Variants in ANKRD11 observed in about 807,000 individuals in gnomAD.
ANKRD11 encodes the protein ankyrin repeat domain-containing protein 11.
A neutral mutation model predicts 195.7 loss-of-function variants in ANKRD11; 17 were observed. The observed-to-expected ratio is 0.09, with a 90% CI of 0.06 to 0.13. The LOEUF (loss-of-function observed/expected upper bound fraction) is 0.13, where lower values mean the gene tolerates loss of function less well. Ranked by LOEUF, ANKRD11 falls within the 10% of genes least tolerant of loss-of-function variation. The pLI is 1.00. For missense variants in ANKRD11, 3,735 were observed against 3,566.1 expected (o/e 1.05, Z -1.21); for synonymous variants, 1,953 against 1,528.1 (o/e 1.28, Z -6.49).
At chr16:89,354,135 A>C (rs1433303894) in intron 2 of ANKRD11, among the ~76,000 whole-genome samples, 1 of 152,144 alleles carries the variant, frequency 6.6e-6, no homozygotes, top group African/African-American at 2.4e-5. Context: ...ACTGCTTCTA[A>C]ATAATGCACT....
intron 1 of ANKRD11, among the ~76,000 whole-genome samples, chr16:89,428,353 G>C (rs140078198): frequency 6.6e-6 from 1 of 151,818 alleles, no homozygotes; most frequent in Non-Finnish European, 1.5e-5. Context: ...GTGAAACCCC[G>C]TCTCTACTAA....
intron 2 of ANKRD11, among the ~76,000 whole-genome samples, chr16:89,333,564 T>A (rs1279634422): frequency 6.6e-6 from 1 of 152,230 alleles, no homozygotes; most frequent in African/African-American, 2.4e-5. Context: ...CTGATCTTTG[T>A]GCTGTCTGCA....
At chr16:89,432,888 G>T (rs994528453) in intron 1 of ANKRD11, among the ~76,000 whole-genome samples, 4 of 151,850 alleles carry the variant, frequency 2.6e-5, no homozygotes, top group African/African-American at 9.7e-5. Flanking sequence ...GTGAGGTCGA[G>T]GCTGCAGGGG....
intron 1 of ANKRD11, among the ~76,000 whole-genome samples, chr16:89,470,720 T>C (rs2057052532): frequency 6.7e-6 from 1 of 149,970 alleles, no homozygotes; most frequent in Non-Finnish European, 1.5e-5. Flanking sequence ...CCGGGCGCGG[T>C]GGCTCATGCC....
At chr16:89,274,055 G>A (rs75900839) in intron 11 of ANKRD11, among the ~76,000 whole-genome samples, 21 of 152,204 alleles carry the variant, frequency 1.4e-4, no homozygotes, top group Non-Finnish European at 2.6e-4. Context: ...GCGAGGCAAC[G>A]GGAGAGCCAG....
At chr16:89,427,430 C>T (rs531931260) in intron 1 of ANKRD11, among the ~76,000 whole-genome samples, 1 of 152,170 alleles carries the variant, frequency 6.6e-6, no homozygotes, top group East Asian at 1.9e-4. Flanking sequence ...AATTGTAAAC[C>T]TCTTACATAC....
chr16:89,363,035 C>G (rs971189152), intron 2 of ANKRD11, among the ~76,000 whole-genome samples: 25 of 151,874 alleles, frequency 1.6e-4, no homozygotes, highest in Admixed American at 1.5e-3. Context: ...GGCAAAACTG[C>G]TGGCGAGTGT....
At chr16:89,349,970 C>G (rs1218508256) in intron 2 of ANKRD11, among the ~76,000 whole-genome samples, 1 of 151,052 alleles carries the variant, frequency 6.6e-6, no homozygotes, top group Non-Finnish European at 1.5e-5. Context: ...AAAGAACTCT[C>G]AAAAATCAGC....
At chr16:89,308,499 C>T (rs1265623259) in intron 3 of ANKRD11, among the ~76,000 whole-genome samples, 1 of 152,152 alleles carries the variant, frequency 6.6e-6, no homozygotes. Flanking sequence ...AATAAGACAA[C>T]GAACACCTGA....
chr16:89,452,250 T>A (rs1179806641), intron 1 of ANKRD11, among the ~76,000 whole-genome samples: 1 of 149,340 alleles, frequency 6.7e-6, no homozygotes, highest in Non-Finnish European at 1.5e-5. Flanking sequence ...AGAGTGAGAC[T>A]CTGTCTCAAA....
chr16:89,349,478 C>CA (rs549762735), intron 2 of ANKRD11, among the ~76,000 whole-genome samples: 116 of 152,124 alleles, frequency 7.6e-4, no homozygotes, highest in African/African-American at 2.7e-3. Flanking sequence ...AGACTCATCT[C>CA]AAAAAAGACC....
rs778264815 is a variant in ANKRD11, at chr16:89,317,028, T to C, written c.-9A>G. The C allele has an allele frequency of 9.3e-6, 15 of 1,612,352 alleles. No individual in the cohort carries two copies. In the Admixed American group the frequency reaches 2.5e-4, roughly 27 times the overall value. On this transcript the variant is annotated 5_prime_UTR_variant, in exon 3 of 13. Coordinates refer to ENST00000301030, the MANE Select transcript of ANKRD11 (RefSeq NM_013275.6). ...CACCCACCCTTGGGCATCGTCCTGC[T>C]CCTCACCCGATCTTCATTTACACGG...
intron 2 of ANKRD11, among the ~76,000 whole-genome samples, chr16:89,371,718 G>A (rs182665865): frequency 8.5e-5 from 13 of 152,298 alleles, no homozygotes; most frequent in African/African-American, 2.9e-4. Context: ...GTGGTCTCGG[G>A]TGTGGAGGGC....
intron 2 of ANKRD11, among the ~76,000 whole-genome samples, chr16:89,369,296 C>T (rs992360330): frequency 2.6e-5 from 4 of 152,220 alleles, no homozygotes; most frequent in Admixed American, 1.3e-4. Context: ...CCACGACACT[C>T]GCAGGTCTGT....
rs538084265 is a variant in ANKRD11 at position 89,381,447 on chromosome 16, A to G, written c.-60+36837T>C. ...ACACCTACCAGTTTAGGGTTATTGT[A>G]TAAGGAGCAAGAGCTTTTCACATTG... On this transcript the variant is annotated intron_variant, in intron 2 of 12. Coordinates refer to ENST00000301030, the MANE Select transcript of ANKRD11 (RefSeq NM_013275.6). 2.1e-3 allele frequency among the ~76,000 whole-genome samples: 326 copies of G among 152,208 alleles called. 2 individuals are homozygous for G. Among genetic ancestry groups the G allele is most frequent in the Non-Finnish European group, 3.5e-3 (237 of 68,006 alleles).
intron 2 of ANKRD11, chr16:89,328,834 CAT>C: frequency 7.2e-6 from 1 of 139,590 alleles, no homozygotes; most frequent in African/African-American, 2.8e-5. Context: ...AGTGAGTGGA[CAT>C]ACCCAGGAGC....
At chr16:89,349,280 G>A (rs1055375918) in intron 2 of ANKRD11, among the ~76,000 whole-genome samples, 1 of 151,646 alleles carries the variant, frequency 6.6e-6, no homozygotes, top group African/African-American at 2.4e-5. Context: ...TGTAATCCCA[G>A]CACTTTGGGA....
chr16:89,414,761 C>G (rs2042227586), intron 2 of ANKRD11, among the ~76,000 whole-genome samples: 1 of 152,096 alleles, frequency 6.6e-6, no homozygotes, highest in Non-Finnish European at 1.5e-5. Context: ...CAGGACCAGC[C>G]TAGAATCCAT....
intron 2 of ANKRD11, among the ~76,000 whole-genome samples, chr16:89,413,497 C>A (rs891382937): frequency 1.3e-5 from 2 of 152,090 alleles, no homozygotes; most frequent in Non-Finnish European, 2.9e-5. Flanking sequence ...TGGTGGCGGG[C>A]ACCTATAGTC....
Sources: allele counts gnomAD v4.1 joint callset (sites outside exome capture counted in the v4.1 genomes callset), GRCh38; gene constraint gnomAD v4.1.1; transcripts MANE v1.5; gene names NCBI Gene and HGNC (gene_info 2026-07-23, HGNC 2026-07-21).